Variants in INTS4 observed in about 807,000 individuals in gnomAD.
INTS4 encodes MSTP093.
In INTS4, 70 loss-of-function variants were observed where a neutral mutation model predicts 119.5. The observed-to-expected ratio is 0.59, with a 90% CI of 0.48 to 0.71. The LOEUF is 0.71. Among genes scored for constraint, INTS4 ranks in the 30% least tolerant of loss-of-function variants. INTS4 has a pLI of 0.00. For missense variants in INTS4, 867 were observed against 1,173.2 expected, an observed-to-expected ratio of 0.74 and a Z score of 3.81; for synonymous variants, 316 against 419.6, an observed-to-expected ratio of 0.75 and a Z score of 3.02.
intron 8 of INTS4, among the ~76,000 whole-genome samples, chr11:77,943,400 A>T (rs1347872606): frequency 3.3e-5 from 5 of 152,138 alleles, no homozygotes; most frequent in Admixed American, 3.3e-4. Flanking sequence ...TGGAGAAGGG[A>T]TGGATTTAGG....
At chr11:77,905,449 ACT>A (rs1384546508) in intron 16 of INTS4, among the ~76,000 whole-genome samples, 1 of 149,384 alleles carries the variant, frequency 6.7e-6, no homozygotes, top group Non-Finnish European at 1.5e-5. Flanking sequence ...ATAAGCTGAG[ACT>A]CTGTCTCAAA....
At chr11:77,985,444 T>C (rs1465178099) in intron 2 of INTS4, among the ~76,000 whole-genome samples, 1 of 152,198 alleles carries the variant, frequency 6.6e-6, no homozygotes, top group Non-Finnish European at 1.5e-5. Context: ...TTTCCCCCTG[T>C]CTTCCAACTG....
chr11:77,936,772 G>A (rs199970467), intron 10 of INTS4, among the ~76,000 whole-genome samples: 4 of 152,098 alleles, frequency 2.6e-5, no homozygotes, highest in African/African-American at 4.8e-5. Flanking sequence ...AGAAAGGAAG[G>A]AAGGAAGGAA....
intron 21 of INTS4, among the ~76,000 whole-genome samples, chr11:77,886,976 A>C (rs1237747534): frequency 6.6e-6 from 1 of 151,938 alleles, no homozygotes; most frequent in Non-Finnish European, 1.5e-5. Context: ...TATAGCACTA[A>C]ATGCCCACAA....
chr11:77,919,159 A>C (rs1953277712), intron 14 of INTS4, among the ~76,000 whole-genome samples, 181 bp from the exon 15 acceptor site: 1 of 152,240 alleles, frequency 6.6e-6, no homozygotes. Flanking sequence ...TTAAAGAGAA[A>C]GAGACAAAAT....
chr11:77,976,337 C>T lies in INTS4; in HGVS notation c.471+2659G>A, dbSNP rs557174944. On this transcript the variant is annotated intron_variant, in intron 4 of 22. Coordinates refer to ENST00000534064, the MANE Select transcript of INTS4 (RefSeq NM_033547.4). ...AGTAGTTCACACACGTAATCTCGGG[C>T]AACATAGCAAGACCTTCGTCTTTTT... Among the ~76,000 whole-genome samples the T allele has an allele frequency of 3.7e-4, 57 of 152,112 alleles. 1 individual carries two copies. In the South Asian group the frequency reaches 7.9e-3, roughly 21 times the overall value.
chr11:77,958,614 C>CT (rs1954388259), intron 7 of INTS4, 132 bp downstream of exon 7: 1 of 624,368 alleles, frequency 1.6e-6, no homozygotes, highest in Non-Finnish European at 2.9e-6. Flanking sequence ...AGGGCCTGTG[C>CT]TTTTCCCTTA....
chr11:77,892,297 C>T (rs1952308514), intron 19 of INTS4, among the ~76,000 whole-genome samples: 1 of 152,172 alleles, frequency 6.6e-6, no homozygotes, highest in Non-Finnish European at 1.5e-5. Flanking sequence ...GGGGATGATG[C>T]CTCACTGAGG....
intron 4 of INTS4, among the ~76,000 whole-genome samples, chr11:77,969,854 TTC>T (rs964818496): frequency 6.6e-6 from 1 of 152,118 alleles, no homozygotes; most frequent in African/African-American, 2.4e-5. Flanking sequence ...CTAACGTACT[TTC>T]TGTCTCTATA....
chr11:77,987,775 G>A (rs1056250517), intron 2 of INTS4: 33 of 374,988 alleles, frequency 8.8e-5, no homozygotes, highest in Admixed American at 2.4e-4. Context: ...TCAGGAGGCT[G>A]AGGTGGGAGG....
At chr11:77,891,139 C>T (rs910276193) in intron 21 of INTS4, among the ~76,000 whole-genome samples, 180 bp downstream of exon 21, 3 of 152,154 alleles carry the variant, frequency 2.0e-5, no homozygotes, top group Non-Finnish European at 2.9e-5. Flanking sequence ...TTTAAAGTAA[C>T]TTGCTCCAAA....
chr11:77,902,894 A>G (rs1253316385), intron 17 of INTS4, among the ~76,000 whole-genome samples: 1 of 152,202 alleles, frequency 6.6e-6, no homozygotes, highest in Non-Finnish European at 1.5e-5. Context: ...TACAGGCTAA[A>G]GATATAAACA....
chr11:77,926,187 A>AG (rs1182634687), intron 11 of INTS4, among the ~76,000 whole-genome samples: 3 of 124,712 alleles, frequency 2.4e-5, no homozygotes, highest in Non-Finnish European at 5.2e-5. Context: ...TTGACATAGC[A>AG]GGAAAAAAAA....
At chr11:77,934,044 C>G in intron 10 of INTS4, among the ~76,000 whole-genome samples, 1 of 130 alleles carries the variant, frequency 7.7e-3, no homozygotes, top group East Asian at 0.1. Context: ...TTGTTCTGTA[C>G]TAAGAAAAAT....
Position 77,918,931 on chromosome 11 carries a change from T to C in INTS4, c.1812A>G (p.Ile604Met), listed in dbSNP as rs1236989326. The change falls in exon 15 of 23, where the codon ATA (isoleucine) becomes ATG (methionine). Residue 604 changes from isoleucine to methionine, a missense_variant. Physicochemically the swap from Ile to Met is conservative, Grantham distance 10. Coordinates refer to ENST00000534064, the MANE Select transcript of INTS4 (RefSeq NM_033547.4). ...ACTGCTGGGAAGGATCCTCTTGAGG[T>C]ATGATGCTGGGAGAAACAGCTGATG... is the stretch of plus-strand genomic sequence containing the variant. ...LVSSAVSPSI[I>M]PQEDPSQQFL... The C allele has an allele frequency of 1.2e-6, 2 of 1,613,802 alleles. No individual in the cohort carries two copies. The highest frequency in any genetic ancestry group is 2.7e-5 in the African/African-American group (2 of 74,898).
chr11:77,926,674 T>C (rs1325750270), intron 11 of INTS4, among the ~76,000 whole-genome samples: 4 of 151,224 alleles, frequency 2.6e-5, no homozygotes, highest in Non-Finnish European at 4.4e-5. Context: ...AAAATTAGTA[T>C]TGTGGTGCGT....
At chr11:77,992,679 G>A (rs1381535762) in intron 1 of INTS4, among the ~76,000 whole-genome samples, 1 of 152,210 alleles carries the variant, frequency 6.6e-6, no homozygotes, top group Non-Finnish European at 1.5e-5. Context: ...AGTATGACAT[G>A]ATAAAAAGAA....
chr11:77,921,755 G>A (rs1953366240), intron 13 of INTS4, among the ~76,000 whole-genome samples: 1 of 152,208 alleles, frequency 6.6e-6, no homozygotes, highest in South Asian at 2.1e-4. Flanking sequence ...TACTGGACAG[G>A]CATGGTGGCT....
intron 21 of INTS4, among the ~76,000 whole-genome samples, chr11:77,888,813 CAT>C (rs1299811482): frequency 1.3e-5 from 2 of 152,176 alleles, no homozygotes; most frequent in Non-Finnish European, 2.9e-5. Context: ...AGCCAAAAAA[CAT>C]ATGAAAAAAT....
Sources: gnomAD v4.1 joint callset for allele counts (sites outside exome capture counted in the v4.1 genomes callset) on GRCh38, gnomAD v4.1.1 for gene constraint, MANE v1.5 for transcripts, NCBI Gene and HGNC (gene_info 2026-07-23, HGNC 2026-07-21) for gene names.